CADM2: variants seen among roughly 807,000 people sequenced by gnomAD.
CADM2 encodes the protein cell adhesion molecule 2.
CADM2 carries 12 observed loss-of-function variants against 49.8 expected under a neutral mutation model. The ratio of observed to expected loss-of-function variants is 0.24; its 90% confidence interval spans 0.15 to 0.39. The LOEUF is 0.39. Ranked by LOEUF, CADM2 falls within the 10% of genes least tolerant of loss-of-function variation. CADM2 has a pLI of 1.00. For missense variants in CADM2, 378 were observed against 492.3 expected (o/e 0.77, Z 2.20); for synonymous variants, 214 against 175.4 (o/e 1.22, Z -1.74).
chr3:85,675,876 G>A (rs552423429), intron 1 of CADM2, among the ~76,000 whole-genome samples: 2 of 152,244 alleles, frequency 1.3e-5, no homozygotes, highest in South Asian at 2.1e-4. Flanking sequence ...GAGACAGACG[G>A]CATTTGGAAG....
intron 1 of CADM2, among the ~76,000 whole-genome samples, chr3:85,063,552 T>C (rs1216299475): frequency 6.6e-6 from 1 of 151,948 alleles, no homozygotes; most frequent in African/African-American, 2.4e-5. Flanking sequence ...CAGGATAAAC[T>C]TATAAAATTT....
rs144821454 is a variant in CADM2 at position 85,745,686 on chromosome 3, C to T, written c.88+19138C>T. The stretch of plus-strand genomic sequence containing the variant: ...TTCAAGACCAGCCTATGCAACATTG[C>T]GATACCCCATCTCTACAAAAAATTA... On this transcript the variant is annotated intron_variant, in intron 2 of 9. Transcript: ENST00000383699. Among the ~76,000 whole-genome samples, 568 of 152,148 alleles carry T rather than the reference C, an allele frequency of 3.7e-3. 2 individuals are homozygous for T. Among genetic ancestry groups the T allele is most frequent in the African/African-American group, 0.013 (538 of 41,524 alleles).
chr3:85,079,609 A>G (rs1361809352), intron 1 of CADM2, among the ~76,000 whole-genome samples: 1 of 151,846 alleles, frequency 6.6e-6, no homozygotes, highest in Non-Finnish European at 1.5e-5. Flanking sequence ...ATCGTATAAT[A>G]ATAAGACAAT....
chr3:85,014,460 CAT>C (rs1559617636), intron 1 of CADM2, among the ~76,000 whole-genome samples: 1 of 149,780 alleles, frequency 6.7e-6, no homozygotes, highest in East Asian at 2.1e-4. Context: ...AGGAAAAAAA[CAT>C]AGTGTGCATA....
At chr3:85,017,339 T>C (rs2034295747) in intron 1 of CADM2, among the ~76,000 whole-genome samples, 1 of 152,194 alleles carries the variant, frequency 6.6e-6, no homozygotes, top group African/African-American at 2.4e-5. Context: ...TCTTTTGAAG[T>C]CACCAACAGA....
chr3:85,759,641 A>G (rs1367603030), intron 2 of CADM2, among the ~76,000 whole-genome samples: 1 of 152,128 alleles, frequency 6.6e-6, no homozygotes, highest in Non-Finnish European at 1.5e-5. Context: ...ACTTTGCTTT[A>G]TATTTCACTG....
intron 1 of CADM2, among the ~76,000 whole-genome samples, chr3:85,212,882 C>CTTTCTT (rs1553696367): frequency 2.6e-5 from 3 of 113,506 alleles, no homozygotes; most frequent in African/African-American, 1.5e-4. Context: ...TTCTTTCTTT[C>CTTTCTT]TTTCTCTTTC....
intron 1 of CADM2, among the ~76,000 whole-genome samples, chr3:85,643,563 A>C (rs1029695436): frequency 6.6e-6 from 1 of 152,156 alleles, no homozygotes; most frequent in Non-Finnish European, 1.5e-5. Flanking sequence ...CAGTTTATTC[A>C]GTTTAAATAA....
chr3:85,393,878 A>G (rs557414358), intron 1 of CADM2, among the ~76,000 whole-genome samples: 3 of 152,236 alleles, frequency 2.0e-5, no homozygotes, highest in African/African-American at 7.2e-5. Context: ...ATTAATTTTA[A>G]AAGTTACTCG....
intron 6 of CADM2, among the ~76,000 whole-genome samples, chr3:85,919,990 A>T (rs946011480): frequency 1.3e-5 from 2 of 151,780 alleles, no homozygotes; most frequent in African/African-American, 2.4e-5. Context: ...GTCCTTTTTC[A>T]CTTGTAAAAA....
chr3:85,795,127 G>C (rs980489830), intron 2 of CADM2, among the ~76,000 whole-genome samples: 1 of 151,768 alleles, frequency 6.6e-6, no homozygotes. Flanking sequence ...TATTATTTTG[G>C]TAATTCTGAA....
intron 1 of CADM2, among the ~76,000 whole-genome samples, chr3:85,443,019 CTAAGT>C (rs1289441561): frequency 6.6e-6 from 1 of 151,792 alleles, no homozygotes; most frequent in Non-Finnish European, 1.5e-5. Context: ...TGGTAACTGC[CTAAGT>C]TATTTTAGTC....
chr3:85,489,652 A>G (rs1386423077), intron 1 of CADM2, among the ~76,000 whole-genome samples: 1 of 145,896 alleles, frequency 6.9e-6, no homozygotes, highest in Non-Finnish European at 1.5e-5. Flanking sequence ...TTAAAGTATA[A>G]TAATAAAAGA....
chr3:85,932,295 A>G (rs1208554824), intron 6 of CADM2, among the ~76,000 whole-genome samples: 2 of 152,146 alleles, frequency 1.3e-5, no homozygotes, highest in African/African-American at 4.8e-5. Flanking sequence ...CGTTGGGGAA[A>G]GATTGGAGAC....
At chr3:85,406,982 G>A (rs952429803) in intron 1 of CADM2, among the ~76,000 whole-genome samples, 1 of 152,058 alleles carries the variant, frequency 6.6e-6, no homozygotes, top group African/African-American at 2.4e-5. Context: ...GATCCCTTCA[G>A]CCCAGGAGTT....
intron 1 of CADM2, among the ~76,000 whole-genome samples, chr3:85,577,806 C>T (rs1016027383): frequency 4.6e-5 from 7 of 151,874 alleles, no homozygotes; most frequent in African/African-American, 1.5e-4. Flanking sequence ...TGCCCTATAA[C>T]TATTATTTTA....
chr3:85,125,551 G>A (rs1161349907), intron 1 of CADM2, among the ~76,000 whole-genome samples: 1 of 152,068 alleles, frequency 6.6e-6, no homozygotes, highest in Non-Finnish European at 1.5e-5. Context: ...GTAGAGACAG[G>A]GTTTTGCCAT....
At chr3:85,575,232 G>A (rs1485637439) in intron 1 of CADM2, among the ~76,000 whole-genome samples, 1 of 152,116 alleles carries the variant, frequency 6.6e-6, no homozygotes, top group Non-Finnish European at 1.5e-5. Flanking sequence ...CAATGAAAAT[G>A]CATGAACTTA....
chr3:85,087,623 T>C (rs2037430879), intron 1 of CADM2, among the ~76,000 whole-genome samples: 1 of 152,200 alleles, frequency 6.6e-6, no homozygotes, highest in Non-Finnish European at 1.5e-5. Context: ...CATGTTACTC[T>C]TAGCCATAGC....
Sources: gnomAD v4.1 joint callset for allele counts (sites outside exome capture counted in the v4.1 genomes callset) on GRCh38, gnomAD v4.1.1 for gene constraint, MANE v1.5 for transcripts, NCBI Gene and HGNC (gene_info 2026-07-23, HGNC 2026-07-21) for gene names.